CARF: variants seen among roughly 807,000 people sequenced by gnomAD.
CARF encodes the protein calcium-responsive transcription factor.
Under a neutral mutation model 82.0 loss-of-function variants are expected in CARF, and 57 were observed. The observed-to-expected ratio is 0.70, with a 90% CI of 0.56 to 0.87. The LOEUF (loss-of-function observed/expected upper bound fraction) is 0.87. CARF is among the 40% of genes least tolerant of loss of function. CARF has a pLI of 0.00. For missense variants in CARF, 771 were observed against 855.8 expected (o/e 0.90, Z 1.24); for synonymous variants, 268 against 290.1 (o/e 0.92, Z 0.77).
chr2:202,953,922 A>T (rs1396997815), intron 6 of CARF, 83 bp from the exon 7 acceptor site: 26 of 1,237,180 alleles, frequency 2.1e-5, no homozygotes, highest in Non-Finnish European at 2.8e-5. Context: ...TACCTATTAC[A>T]AATACATAAG....
At chr2:202,967,219 T>G in intron 10 of CARF, 121 bp downstream of exon 10, 2 of 1,091,502 alleles carry the variant, frequency 1.8e-6, no homozygotes, top group South Asian at 1.8e-5. Flanking sequence ...AAGTTTTCTC[T>G]TACCCACATT....
chr2:202,964,318 C>T (rs1306058380), intron 9 of CARF, among the ~76,000 whole-genome samples: 1 of 152,068 alleles, frequency 6.6e-6, no homozygotes, highest in Non-Finnish European at 1.5e-5. Context: ...CTCACTCTGT[C>T]ACCCAGGCTG....
chr2:202,966,197 G>A (rs867381493), intron 9 of CARF, among the ~76,000 whole-genome samples: 1 of 152,098 alleles, frequency 6.6e-6, no homozygotes, highest in Non-Finnish European at 1.5e-5. Flanking sequence ...TTTATTAAAC[G>A]TAAGTTAGTA....
chr2:202,975,323 A>G (rs1057222307), intron 13 of CARF, among the ~76,000 whole-genome samples: 1 of 152,208 alleles, frequency 6.6e-6, no homozygotes, highest in Non-Finnish European at 1.5e-5. Flanking sequence ...AGGTGCCTGT[A>G]GTCCCAGCTA....
intron 3 of CARF, among the ~76,000 whole-genome samples, chr2:202,935,916 G>A (rs531095859): frequency 3.9e-5 from 6 of 152,054 alleles, no homozygotes; most frequent in East Asian, 1.9e-4. Flanking sequence ...TCCTGGGCTC[G>A]TGCCATCCTC....
intron 9 of CARF, among the ~76,000 whole-genome samples, chr2:202,963,839 C>G (rs2059424005): frequency 6.6e-6 from 1 of 152,128 alleles, no homozygotes; most frequent in Non-Finnish European, 1.5e-5. Context: ...ACTGATCTGA[C>G]AGGAGGCAGA....
In CARF at chr2:202,988,007, A is replaced by C. The variant is rs146802862; in HGVS notation, c.*4383A>C. Among the ~76,000 whole-genome samples the C allele has an allele frequency of 3.5e-4, 54 of 152,278 alleles. 1 individual carries two copies. The East Asian group carries it at 8.7e-3, about 24-fold the overall frequency. ...CTCCTTGCCACCCCACCATCACCAG[A>C]CCACTGATCTGCTTTCTTTATGATC... On this transcript the variant is annotated 3_prime_UTR_variant, in exon 17 of 17. Transcript: ENST00000438828.
Position 202,958,148 on chromosome 2 carries a change from A to C in CARF, c.642+2390A>C, listed in dbSNP as rs1203385932. Among the ~76,000 whole-genome samples the C allele has an allele frequency of 2.0e-5, 3 of 152,116 alleles. No homozygotes were observed. In the East Asian group the frequency reaches 5.8e-4, roughly 29 times the overall value. The stretch of plus-strand genomic sequence containing the variant: ...AAAAATATTCTATTTTAATAATTTG[A>C]GAAAATTTCTCATAAAAAACCTTGT... On this transcript the variant is annotated intron_variant, in intron 8 of 16. Coordinates refer to ENST00000438828, the MANE Select transcript of CARF (RefSeq NM_024744.17).
chr2:202,942,867 A>G lies in CARF; in HGVS notation c.206A>G (p.Gln69Arg), dbSNP rs758925157. ...CAGAATATACCAGGGCCCCTGACTC[A>G]GACACAGACTCTTTCTGCAGAGCAA... ...ISQNIPGPLT[Q>R]TQTLSAEQFH... Residue 69 changes from glutamine to arginine, a missense_variant, in exon 5 of 17, where the codon CAG becomes CGG. Gln to Arg is a conservative substitution (Grantham distance 43). Transcript: ENST00000438828. 6.2e-7 allele frequency: 1 copy of G among 1,614,168 alleles called. No homozygotes were observed. The highest frequency in any genetic ancestry group is 1.7e-5 in the Admixed American group (1 of 60,012).
chr2:202,980,616 G>GTATA (rs34656288), intron 14 of CARF, among the ~76,000 whole-genome samples: 526 of 42,198 alleles, frequency 0.012, 42 homozygotes, highest in African/African-American at 0.017. Context: ...CGTCTTTCAA[G>GTATA]TATATATATA....
intron 3 of CARF, among the ~76,000 whole-genome samples, chr2:202,927,085 G>A (rs939735901): frequency 6.6e-6 from 1 of 152,084 alleles, no homozygotes; most frequent in Non-Finnish European, 1.5e-5. Flanking sequence ...CAAAGTGCTG[G>A]GATTACAGGC....
chr2:202,930,931 A>G (rs1347265401), intron 3 of CARF, among the ~76,000 whole-genome samples: 1 of 151,548 alleles, frequency 6.6e-6, no homozygotes, highest in Non-Finnish European at 1.5e-5. Context: ...AATGATTAGT[A>G]AATACATTTT....
At chr2:202,963,531 A>AGGATGGG (rs1198364875) in intron 9 of CARF, among the ~76,000 whole-genome samples, 1 of 152,208 alleles carries the variant, frequency 6.6e-6, no homozygotes, top group Non-Finnish European at 1.5e-5. Flanking sequence ...TCCACGGACC[A>AGGATGGG]GGATGGGGGA....
rs2060452911 is a variant in CARF at position 202,986,885 on chromosome 2, T to TGTATATATACATATATATATAC, written c.*3261_*3262insGTATATATACATATATATATAC. The TGTATATATACATATATATATAC allele has an allele frequency of 1.1e-5, 1 of 94,346 alleles. No individual in the cohort carries two copies. The highest frequency in any genetic ancestry group is 2.6e-5 in the Non-Finnish European group (1 of 38,708). The allele number at this position is 94,346 out of a possible 1,614,324, so 5.8% of individuals were successfully genotyped here. On this transcript the variant is annotated 3_prime_UTR_variant, in exon 17 of 17. Transcript: ENST00000438828. ...GTCTGTGCGTATATATATATATATA[T>TGTATATATACATATATATATAC]ATATATATATATATATATATATAGC...
At chr2:202,968,043 A>G (rs2059623988) in intron 10 of CARF, among the ~76,000 whole-genome samples, 1 of 152,220 alleles carries the variant, frequency 6.6e-6, no homozygotes, top group South Asian at 2.1e-4. Context: ...TTAAAAGATA[A>G]TATGTAGTGG....
chr2:202,929,616 A>G (rs571494030), intron 3 of CARF, among the ~76,000 whole-genome samples: 2 of 152,200 alleles, frequency 1.3e-5, no homozygotes, highest in Non-Finnish European at 1.5e-5. Context: ...GCCAGATAGT[A>G]TGATGCTTCT....
chr2:202,917,426 T>C (rs1006994715), intron 1 of CARF, among the ~76,000 whole-genome samples: 7 of 152,160 alleles, frequency 4.6e-5, no homozygotes, highest in Non-Finnish European at 8.8e-5. Flanking sequence ...CTTTTTTCTT[T>C]CTGCTCTCTT....
intron 4 of CARF, 139 bp from the exon 5 acceptor site, chr2:202,942,601 G>A (rs2058282667): frequency 6.8e-6 from 7 of 1,028,040 alleles, no homozygotes; most frequent in Non-Finnish European, 9.5e-6. Flanking sequence ...TACTTTCTGT[G>A]TATAGCAATT....
intron 13 of CARF, among the ~76,000 whole-genome samples, chr2:202,975,071 G>A (rs1301721503): frequency 6.6e-6 from 1 of 152,150 alleles, no homozygotes; most frequent in South Asian, 2.1e-4. Flanking sequence ...AGCACTGTGG[G>A]AGGCCGAGGC....
Sources: allele counts gnomAD v4.1 joint callset (sites outside exome capture counted in the v4.1 genomes callset), GRCh38; gene constraint gnomAD v4.1.1; transcripts MANE v1.5; gene names NCBI Gene and HGNC (gene_info 2026-07-23, HGNC 2026-07-21).